The following SORL1 variants were observed in gnomAD, a reference collection of about 807,000 sequenced individuals.
SORL1 encodes sortilin related receptor 1, also known as sortilin-related receptor.
In SORL1, 127 loss-of-function variants were observed where a neutral mutation model predicts 273.7. The ratio of observed to expected loss-of-function variants is 0.46; its 90% confidence interval spans 0.40 to 0.54. SORL1 has a LOEUF of 0.54. SORL1 is among the 20% of genes least tolerant of loss of function. The pLI is 0.00. For synonymous variants in SORL1, 1,031 were observed against 1,067.4 expected (o/e 0.97, Z 0.66); for missense variants, 2,494 against 2,846.1 (o/e 0.88, Z 2.81).
intron 6 of SORL1, among the ~76,000 whole-genome samples, chr11:121,507,340 C>A (rs1565318591): frequency 6.6e-6 from 1 of 152,110 alleles, no homozygotes; most frequent in East Asian, 1.9e-4. Flanking sequence ...AGTTTTGGGT[C>A]ATTATTTCTT....
chr11:121,470,606 A>C (rs1861153166), intron 2 of SORL1, among the ~76,000 whole-genome samples: 1 of 152,202 alleles, frequency 6.6e-6, no homozygotes, highest in Non-Finnish European at 1.5e-5. Context: ...AGGGTTATAA[A>C]CTCAAAGGCC....
chr11:121,520,753 G>A lies in SORL1; in HGVS notation c.1308G>A (p.Glu436=), dbSNP rs764475416. The A allele has an allele frequency of 1.9e-6, 3 of 1,612,678 alleles. No individual in the cohort carries two copies. The East Asian group carries it at 6.7e-5, about 36-fold the overall frequency. Residue 436 remains glutamate (E), a synonymous_variant, in exon 9 of 48, where the codon GAG becomes GAA. Transcript: ENST00000260197. ...ATLINGSMNE[E]NMRSVITFDK... ...TGATTAATGGTTCTATGAATGAGGA[G>A]AACATGAGATCGGTCATCACCTTTG...
intron 32 of SORL1, among the ~76,000 whole-genome samples, chr11:121,603,112 T>TCTC (rs1863419550): frequency 1.3e-5 from 2 of 152,256 alleles, no homozygotes; most frequent in South Asian, 4.1e-4. Context: ...CAGGCTGAAC[T>TCTC]CTCCTACCTA....
intron 32 of SORL1, among the ~76,000 whole-genome samples, chr11:121,597,519 G>A (rs977245827): frequency 1.1e-4 from 17 of 151,672 alleles, no homozygotes; most frequent in East Asian, 3.9e-4. Context: ...GTGCAGGGGC[G>A]GGTGGGATCT....
At chr11:121,513,489 C>A (rs927053438) in intron 7 of SORL1, among the ~76,000 whole-genome samples, 2 of 152,168 alleles carry the variant, frequency 1.3e-5, no homozygotes, top group African/African-American at 4.8e-5. Context: ...TTGGGTCCCA[C>A]CTTTTAGAAA....
At chr11:121,525,888 C>T (rs1307217314) in intron 11 of SORL1, among the ~76,000 whole-genome samples, 9 of 152,038 alleles carry the variant, frequency 5.9e-5, no homozygotes, top group Non-Finnish European at 1.2e-4. Flanking sequence ...AATAGCCAGG[C>T]ATGGTGGTGC....
At chr11:121,561,613 C>T (rs917670622) in intron 21 of SORL1, among the ~76,000 whole-genome samples, 19 of 140,790 alleles carry the variant, frequency 1.3e-4, no homozygotes, top group Middle Eastern at 7.8e-3. Context: ...CACCTGAGCT[C>T]GGGAGGTTGA....
In SORL1 at chr11:121,595,671, G is replaced by A. The variant is rs765054279; in HGVS notation, c.4418G>A (p.Arg1473Gln). Residue 1473 changes from arginine (R) to glutamine (Q), a missense_variant, in exon 32 of 48, where the codon CGA becomes CAA. Arg to Gln is a conservative substitution (Grantham distance 43, BLOSUM62 1). Coordinates refer to ENST00000260197, the MANE Select transcript of SORL1 (RefSeq NM_003105.6). This position sits in a 1 kb window ranked among gnomAD's most constrained non-coding sequence, Gnocchi z 5.1. ...STPTQLGRCDRFEFECHQPKT... is the reference protein window; with the variant it reads ...STPTQLGRCDQFEFECHQPKT... ...CCCACCCAACTTGGGCGATGTGACCGATTTGAGTTCGAATGCCACCAACCG... is the reference window on the plus strand; with the variant it reads ...CCCACCCAACTTGGGCGATGTGACCAATTTGAGTTCGAATGCCACCAACCG... 4.3e-6 allele frequency: 7 copies of A among 1,613,082 alleles called. No homozygotes were observed. Among genetic ancestry groups the A allele is most frequent in the East Asian group, 2.2e-5 (1 of 44,882 alleles).
intron 12 of SORL1, among the ~76,000 whole-genome samples, chr11:121,540,663 CAA>C (rs1862334975): frequency 6.6e-6 from 1 of 152,114 alleles, no homozygotes; most frequent in African/African-American, 2.4e-5. Context: ...GTTGATAAGA[CAA>C]GAGCCTTTTC....
At chr11:121,477,786 T>C (rs898212739) in intron 2 of SORL1, among the ~76,000 whole-genome samples, 9 of 152,058 alleles carry the variant, frequency 5.9e-5, no homozygotes, top group Admixed American at 5.9e-4. Flanking sequence ...TCCCAGCACT[T>C]TGGGAGGCCA....
chr11:121,538,357 C>T (rs555689438), intron 12 of SORL1, among the ~76,000 whole-genome samples: 1 of 152,296 alleles, frequency 6.6e-6, no homozygotes, highest in African/African-American at 2.4e-5. Context: ...AAACCCCTGC[C>T]CCAATTACAG....
At chr11:121,489,933 C>T (rs1861527512) in intron 4 of SORL1, 110 bp from the exon 5 acceptor site, 2 of 809,336 alleles carry the variant, frequency 2.5e-6, no homozygotes, top group African/African-American at 3.4e-5. Context: ...CAGTGCCTGC[C>T]TTCACAGACA....
intron 2 of SORL1, among the ~76,000 whole-genome samples, chr11:121,475,018 A>C (rs989201757): frequency 1.3e-5 from 2 of 152,200 alleles, no homozygotes; most frequent in Admixed American, 6.5e-5. Context: ...GCACTTTGGA[A>C]AGCTGACGTG....
chr11:121,629,684 C>CAA lies in SORL1; in HGVS notation c.*126_*127dup. 55 of 348,670 alleles carry CAA rather than the reference C, an allele frequency of 1.6e-4. No individual in the cohort carries two copies. Among genetic ancestry groups the CAA allele is most frequent in the South Asian group, 3.4e-4 (7 of 20,844 alleles). 21.6% of individuals were successfully genotyped at this position (348,670 alleles called of 1,614,324 possible). ...ATGTTATTTTTATATGGGCCAAAAA[C>CAA]AAAAAACAAAAAAAAAAAAAAGGAA... On this transcript the variant is annotated 3_prime_UTR_variant, in exon 48 of 48. Transcript: ENST00000260197.
rs771679871 is a variant in SORL1 at position 121,488,063 on chromosome 11, T to C, written c.560T>C (p.Leu187Pro). Reference protein sequence around the residue: ...YIFADAYAQYLWITFDFCNTL... With the variant: ...YIFADAYAQYPWITFDFCNTL... ...TTTGCAGACGCTTATGCCCAGTACC[T>C]CTGGATCACGTTTGACTTCTGCAAC... Residue 187 changes from leucine (L) to proline (P), a missense_variant, in exon 4 of 48, where the codon CTC (leucine) becomes CCC (proline). Physicochemically the swap from Leu to Pro is moderately conservative, Grantham distance 98 (BLOSUM62 -3). This residue lies in a region of SORL1 where 710 missense variants were observed against 882.5 expected (regional missense o/e 0.80). Transcript: ENST00000260197. The C allele has an allele frequency of 6.2e-7, 1 of 1,614,146 alleles. No homozygotes were observed. The highest frequency in any genetic ancestry group is 1.1e-5 in the South Asian group (1 of 91,080).
intron 1 of SORL1, among the ~76,000 whole-genome samples, chr11:121,455,970 G>C (rs1860896362): frequency 6.6e-6 from 1 of 151,626 alleles, no homozygotes; most frequent in Non-Finnish European, 1.5e-5. Context: ...TCCAGCCTGG[G>C]GGACAGAGTG....
At chr11:121,473,996 C>T (rs374266748) in intron 2 of SORL1, among the ~76,000 whole-genome samples, 1 of 152,308 alleles carries the variant, frequency 6.6e-6, no homozygotes, top group Non-Finnish European at 1.5e-5. Context: ...CATGATTGTA[C>T]CCCTCAGGAC....
chr11:121,605,635 T>C, intron 35 of SORL1, 64 bp downstream of exon 35: 2 of 1,313,694 alleles, frequency 1.5e-6, no homozygotes, highest in Non-Finnish European at 1.1e-6. Flanking sequence ...GTGAGGGTCT[T>C]TCTGAGTATT....
chr11:121,620,056 C>T, intron 43 of SORL1, 139 bp downstream of exon 43: 3 of 688,406 alleles, frequency 4.4e-6, no homozygotes, highest in Middle Eastern at 4.3e-4. Context: ...TCTCCCATTT[C>T]AGTCTGACCA....
Sources: allele counts gnomAD v4.1 joint callset (sites outside exome capture counted in the v4.1 genomes callset), GRCh38; gene constraint gnomAD v4.1.1; regional missense constraint gnomAD v4.1.1; non-coding constraint Gnocchi (gnomAD v3.1); transcripts MANE v1.5; gene names NCBI Gene and HGNC (gene_info 2026-07-23, HGNC 2026-07-21).